Variants in RELN observed in about 807,000 individuals in gnomAD.
RELN encodes reelin.
In RELN, 108 loss-of-function variants were observed where a neutral mutation model predicts 427.6. The ratio of observed to expected loss-of-function variants is 0.25; its 90% CI spans 0.22 to 0.30. The LOEUF is 0.30. Among genes scored for constraint, RELN ranks in the 10% least tolerant of loss-of-function variants. The pLI is 1.00. For synonymous variants in RELN, 1,524 were observed against 1,513.4 expected, an observed-to-expected ratio of 1.01 and a Z score of -0.16; for missense variants, 3,715 against 4,302.8, an observed-to-expected ratio of 0.86 and a Z score of 3.82.
chr7:103,746,332 A>G (rs1291968237), intron 6 of RELN, among the ~76,000 whole-genome samples: 2 of 152,240 alleles, frequency 1.3e-5, no homozygotes, highest in African/African-American at 4.8e-5. Context: ...AAACCTAGGC[A>G]ATACCATTCA....
intron 7 of RELN, among the ~76,000 whole-genome samples, chr7:103,723,572 G>A (rs1444704816): frequency 6.6e-6 from 1 of 152,126 alleles, no homozygotes; most frequent in Admixed American, 6.6e-5. Context: ...CAAAGAGAAT[G>A]TAGCAAAAGG....
At position 103,770,168 on chromosome 7, in the gene RELN, C is replaced by T. The variant is rs192393043; in HGVS notation, c.544+6389G>A. On this transcript the variant is annotated intron_variant, in intron 4 of 64. Transcript: ENST00000428762. ...GGCATGATTTCGGCTCACTGCTACC[C>T]CCACCTCCTGGGTTCAAGCAATTCT... is the stretch of plus-strand genomic sequence containing the variant. Among the ~76,000 whole-genome samples the T allele has an allele frequency of 7.6e-3, 1,162 of 152,190 alleles. 12 individuals carry two copies. Among genetic ancestry groups the T allele is most frequent in the African/African-American group, 0.026 (1,076 of 41,526 alleles).
chr7:103,479,957 C>A (rs1431235730), intron 63 of RELN, among the ~76,000 whole-genome samples: 1 of 152,136 alleles, frequency 6.6e-6, no homozygotes, highest in African/African-American at 2.4e-5. Context: ...TTAAAGCCAA[C>A]CTTCACTTAA....
chr7:103,693,746 G>C (rs944030550), intron 10 of RELN, among the ~76,000 whole-genome samples: 1 of 152,150 alleles, frequency 6.6e-6, no homozygotes, highest in Non-Finnish European at 1.5e-5. Flanking sequence ...AATGATGCTA[G>C]AGTTTTTGCC....
At chr7:103,913,555 GAAAGCAGCAAT>G (rs1795416162) in intron 2 of RELN, among the ~76,000 whole-genome samples, 1 of 151,922 alleles carries the variant, frequency 6.6e-6, no homozygotes, top group Admixed American at 6.6e-5. Context: ...CTAACTACCA[GAAAGCAGCAAT>G]ATGTAGAAAT....
At chr7:103,788,991 T>C (rs949996268) in intron 3 of RELN, among the ~76,000 whole-genome samples, 20 of 151,952 alleles carry the variant, frequency 1.3e-4, no homozygotes, top group Admixed American at 7.2e-4. Flanking sequence ...AAACAACAGA[T>C]ACATAGACGA....
chr7:103,732,832 G>A (rs1225584439), intron 6 of RELN, among the ~76,000 whole-genome samples: 1 of 152,100 alleles, frequency 6.6e-6, no homozygotes, highest in Non-Finnish European at 1.5e-5. Context: ...TTCTCTATAA[G>A]TAGGTTGCGA....
intron 11 of RELN, among the ~76,000 whole-genome samples, chr7:103,665,478 C>T (rs1833244359): frequency 6.6e-6 from 1 of 151,900 alleles, no homozygotes; most frequent in South Asian, 2.1e-4. Context: ...CTACTGTTGC[C>T]CTTGTTAACT....
chr7:103,883,325 C>T (rs1334139735), intron 2 of RELN, among the ~76,000 whole-genome samples: 2 of 152,180 alleles, frequency 1.3e-5, no homozygotes, highest in African/African-American at 4.8e-5. Context: ...CAGCCAATAT[C>T]ATACTGAATG....
chr7:103,588,828 TTA>T (rs1355861454), intron 28 of RELN, among the ~76,000 whole-genome samples: 2 of 152,144 alleles, frequency 1.3e-5, no homozygotes, highest in Non-Finnish European at 2.9e-5. Flanking sequence ...CCCCACCAAA[TTA>T]TCCCGTCACA....
chr7:103,745,810 A>G (rs1408406740), intron 6 of RELN, among the ~76,000 whole-genome samples: 1 of 152,194 alleles, frequency 6.6e-6, no homozygotes, highest in African/African-American at 2.4e-5. Context: ...ATGGGTAGAA[A>G]GAATCAATAT....
chr7:103,658,962 C>T (rs1833080437), intron 12 of RELN, among the ~76,000 whole-genome samples: 1 of 151,792 alleles, frequency 6.6e-6, no homozygotes, highest in African/African-American at 2.4e-5. Flanking sequence ...CTATTTTCCC[C>T]TCTACTTATA....
Position 103,698,033 on chromosome 7 carries a change from C to T in RELN, c.963G>A (p.Gly321=), listed in dbSNP as rs747433250. ...HILYLPEDAK[G]ENVQFQWKQE... Reference sequence around the variant, plus strand: ...GCTTCCACTGAAATTGGACATTCTCCCCTTTGGCGTCCTCAGGAAGGTAGA... The same window carrying T: ...GCTTCCACTGAAATTGGACATTCTCTCCTTTGGCGTCCTCAGGAAGGTAGA... The change falls in exon 10 of 65, where the codon GGG becomes GGA. Residue 321 remains glycine (G), a synonymous_variant. Coordinates refer to ENST00000428762, the MANE Select transcript of RELN (RefSeq NM_005045.4). 7 of 1,613,676 alleles carry T rather than the reference C, an allele frequency of 4.3e-6. No individual in the cohort carries two copies. The highest frequency in any genetic ancestry group is 4.2e-6 in the Non-Finnish European group (5 of 1,179,828).
chr7:103,486,275 G>A lies in RELN; in HGVS notation c.9905C>T (p.Ala3302Val). ...GSGCGQLAPY[A>V]HGDSLYFNGC... ...ATTAAAGTACAGTGAGTCTCCATGG[G>A]CGTAGGGGGCCAGCTGCCCACAGCC... The change falls in exon 61 of 65, where the codon GCC becomes GTC. Residue 3302 changes from alanine (A) to valine (V), a missense_variant. This residue lies in a region of RELN where 195 missense variants were observed against 281.3 expected (regional missense o/e 0.69). Transcript: ENST00000428762. The A allele has an allele frequency of 6.2e-7, 1 of 1,614,180 alleles. No homozygotes were observed. The highest frequency in any genetic ancestry group is 8.5e-7 in the Non-Finnish European group (1 of 1,180,028).
intron 64 of RELN, among the ~76,000 whole-genome samples, chr7:103,473,493 C>A (rs569604745): frequency 3.3e-5 from 5 of 152,150 alleles, no homozygotes. Context: ...CCATAAGCAT[C>A]TGGGTTATAT....
intron 18 of RELN, among the ~76,000 whole-genome samples, chr7:103,635,859 C>A (rs1193720411): frequency 6.6e-6 from 1 of 152,182 alleles, no homozygotes; most frequent in Non-Finnish European, 1.5e-5. Context: ...AAATGCCAAT[C>A]ACTTCTTTAC....
chr7:103,868,030 T>G (rs1794241708), intron 2 of RELN, among the ~76,000 whole-genome samples: 1 of 152,010 alleles, frequency 6.6e-6, no homozygotes, highest in South Asian at 2.1e-4. Flanking sequence ...CAAAGCTCTA[T>G]TTTAAGAAGA....
At chr7:103,772,397 GT>G (rs1791592199) in intron 4 of RELN, among the ~76,000 whole-genome samples, 1 of 152,232 alleles carries the variant, frequency 6.6e-6, no homozygotes, top group Non-Finnish European at 1.5e-5. Context: ...TCTTCAAAGT[GT>G]AGATAATAAT....
intron 4 of RELN, among the ~76,000 whole-genome samples, chr7:103,768,720 G>C (rs1180277414): frequency 6.6e-6 from 1 of 152,200 alleles, no homozygotes; most frequent in East Asian, 1.9e-4. Flanking sequence ...AAAGCGCTCA[G>C]TTGGGGGAAA....
Sources: gnomAD v4.1 joint callset for allele counts (sites outside exome capture counted in the v4.1 genomes callset) on GRCh38, gnomAD v4.1.1 for gene constraint, gnomAD v4.1.1 regional missense constraint, MANE v1.5 for transcripts, NCBI Gene and HGNC (gene_info 2026-07-23, HGNC 2026-07-21) for gene names.